Variants in H4C8 observed in about 807,000 individuals in gnomAD.
H4C8 encodes the protein histone H4.
In H4C8, 8 loss-of-function variants were observed where a neutral mutation model predicts 6.0. The ratio of observed to expected loss-of-function variants is 1.33; its 90% CI spans 0.78 to 2.40. The LOEUF (loss-of-function observed/expected upper bound fraction) is 2.40. H4C8 is among the 30% of genes most tolerant of loss of function. H4C8 has a pLI of 0.00. For missense variants in H4C8, 211 were observed against 143.4 expected (o/e 1.47, Z -2.41); for synonymous variants, 118 against 51.9 (o/e 2.27, Z -5.47).
Position 26,285,502 on chromosome 6 carries a change from C to A in H4C8, c.-3G>T. 2 of 1,591,972 alleles carry A rather than the reference C, an allele frequency of 1.3e-6. No homozygotes were observed. The highest frequency in any genetic ancestry group is 1.1e-5 in the South Asian group (1 of 90,028). On this transcript the variant is annotated 5_prime_UTR_variant, in exon 1 of 1. Coordinates refer to ENST00000377727, the MANE Select transcript of H4C8 (RefSeq NM_003543.4). The stretch of plus-strand genomic sequence containing the variant: ...CCACCTTTACCACGGCCAGACATGA[C>A]TAAGCAACTTCTAAAACCAACTTAA...
Position 26,285,374 on chromosome 6 carries a change from G to A in H4C8, c.126C>T (p.Gly42=), listed in dbSNP as rs144152120. Residue 42 remains glycine, a synonymous_variant, in exon 1 of 1, where the codon GGC becomes GGT. Transcript: ENST00000377727. The part of the protein sequence containing the change: ...KPAIRRLARR[G]GVKRISGLIY... ...TAAGGCCAGAAATTCGCTTGACACCGCCGCGACGAGCAAGGCGCCGGATAG... is the reference window on the plus strand; with the variant it reads ...TAAGGCCAGAAATTCGCTTGACACCACCGCGACGAGCAAGGCGCCGGATAG... The A allele has an allele frequency of 1.8e-5, 29 of 1,614,120 alleles. No homozygotes were observed. Among genetic ancestry groups the A allele is most frequent in the Non-Finnish European group, 2.2e-5 (26 of 1,180,050 alleles).
Position 26,285,431 on chromosome 6 carries a change from C to T in H4C8, c.69G>A (p.Leu23=), listed in dbSNP as rs1760719327. 1 of 1,614,222 alleles carries T rather than the reference C, an allele frequency of 6.2e-7. No homozygotes were observed. The highest frequency in any genetic ancestry group is 8.5e-7 in the Non-Finnish European group (1 of 1,180,010). The change falls in exon 1 of 1, where the codon TTG becomes TTA. Residue 23 remains leucine (L), a synonymous_variant. Coordinates refer to ENST00000377727, the MANE Select transcript of H4C8 (RefSeq NM_003543.4). ...KGGAKRHRKV[L]RDNIQGITKP... Reference sequence around the variant, plus strand: ...TAGTGATGCCCTGGATGTTATCGCGCAAAACCTTGCGATGACGCTTAGCTC... The same window carrying T: ...TAGTGATGCCCTGGATGTTATCGCGTAAAACCTTGCGATGACGCTTAGCTC...
chr6:26,285,533 C>A lies in H4C8; in HGVS notation c.-34G>T, dbSNP rs779832467. On this transcript the variant is annotated 5_prime_UTR_variant, in exon 1 of 1. In the 5' UTR this introduces an upstream ATG that the reference lacks. Transcript: ENST00000377727. ...AACTTCTAAAACCAACTTAAGAAAC[C>A]TAAACGCCAAGGCAAAGCAACGCCC... is the stretch of plus-strand genomic sequence containing the variant. 6.4e-7 allele frequency: 1 copy of A among 1,555,236 alleles called. No individual in the cohort carries two copies. The highest frequency in any genetic ancestry group is 8.7e-7 in the Non-Finnish European group (1 of 1,147,300).
Position 26,285,305 on chromosome 6 carries a change from G to A in H4C8, c.195C>T (p.Asn65=), listed in dbSNP as rs61746492. The A allele has an allele frequency of 5.1e-5, 82 of 1,614,214 alleles. No homozygotes were observed. In the East Asian group the frequency reaches 7.1e-4, roughly 14 times the overall value. ...TRGVLKVFLE[N]VIRDAVTYTE... ...TGTAAGTGACAGCGTCACGAATCAC[G>A]TTCTCCAGGAACACCTTCAGAACAC... is the stretch of plus-strand genomic sequence containing the variant. The change falls in exon 1 of 1, where the codon AAC becomes AAT. Residue 65 remains asparagine (N), a synonymous_variant. Coordinates refer to ENST00000377727, the MANE Select transcript of H4C8 (RefSeq NM_003543.4).
rs1192319870 is a variant in H4C8 at position 26,285,232 on chromosome 6, C to G, written c.268G>C (p.Ala90Pro). The change falls in exon 1 of 1, where the codon GCG (alanine) becomes CCG (proline). Residue 90 changes from alanine to proline, a missense_variant. By Grantham distance (27) the Ala-to-Pro change is conservative. Transcript: ENST00000377727. ...KTVTAMDVVY[A>P]LKRQGRTLYG... is the part of the protein sequence containing the mutation. ...AGAGTGCGTCCCTGTCGCTTCAGCG[C>G]GTAGACCACATCCATTGCTGTCACG... 7 of 1,612,232 alleles carry G rather than the reference C, an allele frequency of 4.3e-6. No individual in the cohort carries two copies. Among genetic ancestry groups the G allele is most frequent in the Non-Finnish European group, 5.9e-6 (7 of 1,178,502 alleles).
rs752444196 is a variant in H4C8, at chr6:26,285,505, A to G, written c.-6T>C. On this transcript the variant is annotated 5_prime_UTR_variant, in exon 1 of 1. Coordinates refer to ENST00000377727, the MANE Select transcript of H4C8 (RefSeq NM_003543.4). Reference sequence around the variant, plus strand: ...CCTTTACCACGGCCAGACATGACTAAGCAACTTCTAAAACCAACTTAAGAA... The same window carrying G: ...CCTTTACCACGGCCAGACATGACTAGGCAACTTCTAAAACCAACTTAAGAA... 3.8e-6 allele frequency: 6 copies of G among 1,590,170 alleles called. No individual in the cohort carries two copies. Among genetic ancestry groups the G allele is most frequent in the East Asian group, 4.5e-5 (2 of 44,418 alleles).
At position 26,285,492 on chromosome 6, in the gene H4C8, C is replaced by G; in HGVS notation, c.8G>C (p.Gly3Ala). The change falls in exon 1 of 1, where the codon GGC (glycine) becomes GCC (alanine). Residue 3 changes from glycine (G) to alanine (A), a missense_variant. Coordinates refer to ENST00000377727, the MANE Select transcript of H4C8 (RefSeq NM_003543.4). MS[G>A]RGKGGKGLGK... ...CAAACCTTTTCCACCTTTACCACGGCCAGACATGACTAAGCAACTTCTAAA... is the reference window on the plus strand; with the variant it reads ...CAAACCTTTTCCACCTTTACCACGGGCAGACATGACTAAGCAACTTCTAAA... 1 of 1,600,360 alleles carries G rather than the reference C, an allele frequency of 6.2e-7. No individual in the cohort carries two copies. The highest frequency in any genetic ancestry group is 8.5e-7 in the Non-Finnish European group (1 of 1,169,632).
chr6:26,285,505 A>C lies in H4C8; in HGVS notation c.-6T>G, dbSNP rs752444196. ...CCTTTACCACGGCCAGACATGACTA[A>C]GCAACTTCTAAAACCAACTTAAGAA... On this transcript the variant is annotated 5_prime_UTR_variant, in exon 1 of 1. Coordinates refer to ENST00000377727, the MANE Select transcript of H4C8 (RefSeq NM_003543.4). 1.9e-6 allele frequency: 3 copies of C among 1,590,172 alleles called. No homozygotes were observed. The highest frequency in any genetic ancestry group is 4.5e-5 in the East Asian group (2 of 44,418).
chr6:26,285,486 C>G lies in H4C8; in HGVS notation c.14G>C (p.Gly5Ala). 6.2e-7 allele frequency: 1 copy of G among 1,604,636 alleles called. No homozygotes were observed. Among genetic ancestry groups the G allele is most frequent in the Non-Finnish European group, 8.5e-7 (1 of 1,172,344 alleles). MSGR[G>A]KGGKGLGKGG... ...CTTACCCAAACCTTTTCCACCTTTA[C>G]CACGGCCAGACATGACTAAGCAACT... Residue 5 changes from glycine to alanine, a missense_variant, in exon 1 of 1, where the codon GGT becomes GCT. Coordinates refer to ENST00000377727, the MANE Select transcript of H4C8 (RefSeq NM_003543.4).
Position 26,285,501 on chromosome 6 carries a change from A to T in H4C8, c.-2T>A, listed in dbSNP as rs559935005. The T allele has an allele frequency of 3.1e-6, 5 of 1,592,282 alleles. No individual in the cohort carries two copies. The East Asian group carries it at 1.1e-4, about 36-fold the overall frequency. On this transcript the variant is annotated 5_prime_UTR_variant, in exon 1 of 1. Coordinates refer to ENST00000377727, the MANE Select transcript of H4C8 (RefSeq NM_003543.4). The stretch of plus-strand genomic sequence containing the variant: ...TCCACCTTTACCACGGCCAGACATG[A>T]CTAAGCAACTTCTAAAACCAACTTA...
chr6:26,285,239 C>G lies in H4C8; in HGVS notation c.261G>C (p.Val87=). The G allele has an allele frequency of 6.2e-7, 1 of 1,613,274 alleles. No individual in the cohort carries two copies. Among genetic ancestry groups the G allele is most frequent in the Non-Finnish European group, 8.5e-7 (1 of 1,179,280 alleles). The change falls in exon 1 of 1, where the codon GTG becomes GTC. Residue 87 remains valine, a synonymous_variant. Coordinates refer to ENST00000377727, the MANE Select transcript of H4C8 (RefSeq NM_003543.4). ...AKRKTVTAMD[V]VYALKRQGRT... is the part of the protein sequence containing the mutation. ...GTCCCTGTCGCTTCAGCGCGTAGAC[C>G]ACATCCATTGCTGTCACGGTCTTGC... is the stretch of plus-strand genomic sequence containing the variant.
At position 26,285,141 on chromosome 6, in the gene H4C8, A is replaced by G. The variant is rs1760705694; in HGVS notation, c.*47T>C. On this transcript the variant is annotated 3_prime_UTR_variant, in exon 1 of 1. Coordinates refer to ENST00000377727, the MANE Select transcript of H4C8 (RefSeq NM_003543.4). ...ATGAAAAAAGTGGGCGGCCCTGAAA[A>G]GGGCCTTTGGTTGAAAATGAAAATA... 2 of 1,521,552 alleles carry G rather than the reference A, an allele frequency of 1.3e-6. No homozygotes were observed. Among genetic ancestry groups the G allele is most frequent in the East Asian group, 4.5e-5 (2 of 44,036 alleles). The allele number at this position is 1,521,552 out of a possible 1,614,324, so 94.3% of individuals were successfully genotyped here.
Position 26,285,476 on chromosome 6 carries a change from T to C in H4C8, c.24A>G (p.Gly8=), listed in dbSNP as rs1243226027. 1.9e-6 allele frequency: 3 copies of C among 1,607,010 alleles called. No homozygotes were observed. Among genetic ancestry groups the C allele is most frequent in the South Asian group, 1.1e-5 (1 of 90,952 alleles). ...TAGCTCCTCCCTTACCCAAACCTTT[T>C]CCACCTTTACCACGGCCAGACATGA... is the stretch of plus-strand genomic sequence containing the variant. MSGRGKG[G]KGLGKGGAKR... The change falls in exon 1 of 1, where the codon GGA becomes GGG. Residue 8 remains glycine (G), a synonymous_variant. Coordinates refer to ENST00000377727, the MANE Select transcript of H4C8 (RefSeq NM_003543.4).
chr6:26,285,212 G>A lies in H4C8; in HGVS notation c.288C>T (p.Arg96=), dbSNP rs1760709792. The A allele has an allele frequency of 6.2e-7, 1 of 1,605,738 alleles. No homozygotes were observed. The highest frequency in any genetic ancestry group is 8.5e-7 in the Non-Finnish European group (1 of 1,173,248). ...CTTAGCCACCGAAGCCGTAAAGAGT[G>A]CGTCCCTGTCGCTTCAGCGCGTAGA... The part of the protein sequence containing the change: ...DVVYALKRQG[R]TLYGFGG Residue 96 remains arginine, a synonymous_variant, in exon 1 of 1, where the codon CGC becomes CGT. Transcript: ENST00000377727.
rs1025475382 is a variant in H4C8, at chr6:26,285,465, C to T, written c.35G>A (p.Gly12Asp). 1.9e-6 allele frequency: 3 copies of T among 1,610,076 alleles called. No homozygotes were observed. The highest frequency in any genetic ancestry group is 1.3e-5 in the African/African-American group (1 of 74,868). The stretch of plus-strand genomic sequence containing the variant: ...GCGATGACGCTTAGCTCCTCCCTTA[C>T]CCAAACCTTTTCCACCTTTACCACG... ...SGRGKGGKGL[G>D]KGGAKRHRKV... The change falls in exon 1 of 1, where the codon GGT becomes GAT. Residue 12 changes from glycine (G) to aspartate (D), a missense_variant. By Grantham distance (94) the Gly-to-Asp change is moderately conservative. Transcript: ENST00000377727.
At position 26,285,233 on chromosome 6, in the gene H4C8, G is replaced by A. The variant is rs758278415; in HGVS notation, c.267C>T (p.Tyr89=). Residue 89 remains tyrosine, a synonymous_variant, in exon 1 of 1, where the codon TAC becomes TAT. Coordinates refer to ENST00000377727, the MANE Select transcript of H4C8 (RefSeq NM_003543.4). ...RKTVTAMDVV[Y]ALKRQGRTLY... is the part of the protein sequence containing the mutation. ...GAGTGCGTCCCTGTCGCTTCAGCGC[G>A]TAGACCACATCCATTGCTGTCACGG... The A allele has an allele frequency of 8.1e-6, 13 of 1,612,300 alleles. No individual in the cohort carries two copies. Among genetic ancestry groups the A allele is most frequent in the East Asian group, 4.5e-5 (2 of 44,836 alleles).
At position 26,285,287 on chromosome 6, in the gene H4C8, G is replaced by C. The variant is rs375187634; in HGVS notation, c.213C>G (p.Val71=). 2.7e-5 allele frequency: 44 copies of C among 1,614,222 alleles called. No individual in the cohort carries two copies. Among genetic ancestry groups the C allele is most frequent in the Non-Finnish European group, 3.6e-5 (42 of 1,180,050 alleles). Residue 71 remains valine, a synonymous_variant, in exon 1 of 1, where the codon GTC becomes GTG. Coordinates refer to ENST00000377727, the MANE Select transcript of H4C8 (RefSeq NM_003543.4). ...VFLENVIRDA[V]TYTEHAKRKT... is the part of the protein sequence containing the mutation. ...TGCGTTTGGCGTGCTCTGTGTAAGT[G>C]ACAGCGTCACGAATCACGTTCTCCA...
Position 26,285,464 on chromosome 6 carries a change from A to C in H4C8, c.36T>G (p.Gly12=). 1 of 1,610,002 alleles carries C rather than the reference A, an allele frequency of 6.2e-7. No homozygotes were observed. Among genetic ancestry groups the C allele is most frequent in the Non-Finnish European group, 8.5e-7 (1 of 1,176,538 alleles). The change falls in exon 1 of 1, where the codon GGT becomes GGG. Residue 12 remains glycine (G), a synonymous_variant. Transcript: ENST00000377727. ...SGRGKGGKGL[G]KGGAKRHRKV... ...TGCGATGACGCTTAGCTCCTCCCTT[A>C]CCCAAACCTTTTCCACCTTTACCAC...
In H4C8 at chr6:26,285,523, C is replaced by A. The variant is rs763741872; in HGVS notation, c.-24G>T. 6.4e-7 allele frequency: 1 copy of A among 1,566,118 alleles called. No homozygotes were observed. On this transcript the variant is annotated 5_prime_UTR_variant, in exon 1 of 1. Coordinates refer to ENST00000377727, the MANE Select transcript of H4C8 (RefSeq NM_003543.4). ...ATGACTAAGCAACTTCTAAAACCAA[C>A]TTAAGAAACCTAAACGCCAAGGCAA...
Sources: allele counts gnomAD v4.1 joint callset, GRCh38; gene constraint gnomAD v4.1.1; transcripts MANE v1.5; gene names NCBI Gene and HGNC (gene_info 2026-07-23, HGNC 2026-07-21).